The following CTNNA3 variants were observed in gnomAD, a reference collection of about 807,000 sequenced individuals.
The protein encoded by CTNNA3 is catenin alpha 3, also known as catenin alpha-3.
Under a neutral mutation model 95.7 loss-of-function variants are expected in CTNNA3, and 76 were observed. The observed-to-expected ratio is 0.79, with a 90% CI of 0.66 to 0.96. The LOEUF is 0.96. CTNNA3 is among the 40% of genes least tolerant of loss of function. The pLI is 0.00. For synonymous variants in CTNNA3, 431 were observed against 374.4 expected, an observed-to-expected ratio of 1.15 and a Z score of -1.74; for missense variants, 1,191 against 1,089.8, an observed-to-expected ratio of 1.09 and a Z score of -1.31.
chr10:66,505,120 C>T (rs753560452), intron 11 of CTNNA3, among the ~76,000 whole-genome samples: 10 of 152,060 alleles, frequency 6.6e-5, no homozygotes, highest in Non-Finnish European at 1.5e-4. Flanking sequence ...TTCTAAAGAT[C>T]TAAGTCATAA....
At chr10:66,828,890 T>C (rs532967420) in intron 7 of CTNNA3, among the ~76,000 whole-genome samples, 5 of 152,322 alleles carry the variant, frequency 3.3e-5, no homozygotes, top group African/African-American at 1.2e-4. Flanking sequence ...GCTTGCCAGA[T>C]TGCATACTAT....
intron 10 of CTNNA3, among the ~76,000 whole-genome samples, chr10:66,563,381 G>A (rs1032580274): frequency 1.3e-5 from 2 of 151,848 alleles, no homozygotes; most frequent in Non-Finnish European, 2.9e-5. Context: ...TATGAATACA[G>A]GCATACCAAA....
At chr10:66,373,459 A>G (rs1027059904) in intron 12 of CTNNA3, among the ~76,000 whole-genome samples, 5 of 152,118 alleles carry the variant, frequency 3.3e-5, no homozygotes, top group African/African-American at 1.2e-4. Flanking sequence ...TTCCACGGTC[A>G]TGAGATCTTA....
intron 17 of CTNNA3, among the ~76,000 whole-genome samples, chr10:65,929,180 C>T (rs545334955): frequency 6.6e-6 from 1 of 152,224 alleles, no homozygotes; most frequent in South Asian, 2.1e-4. Flanking sequence ...CTAGCTTCAT[C>T]CATGTCCCTG....
At chr10:65,971,091 A>G (rs750205606) in intron 16 of CTNNA3, among the ~76,000 whole-genome samples, 26 of 151,916 alleles carry the variant, frequency 1.7e-4, no homozygotes, top group Non-Finnish European at 3.4e-4. Flanking sequence ...TAAGGCAGTA[A>G]CCAAAAAATT....
chr10:66,606,459 A>G (rs1225281806), intron 10 of CTNNA3, among the ~76,000 whole-genome samples: 1 of 152,142 alleles, frequency 6.6e-6, no homozygotes, highest in South Asian at 2.1e-4. Flanking sequence ...AGCAAGAGAG[A>G]ATACATTCTT....
At chr10:66,926,676 A>C in intron 7 of CTNNA3, 2 of 1,438,512 alleles carry the variant, frequency 1.4e-6, no homozygotes, top group South Asian at 2.3e-5. Context: ...TAATTATTTT[A>C]GAGATTACCT....
At chr10:66,684,121 T>G (rs536626135) in intron 9 of CTNNA3, among the ~76,000 whole-genome samples, 1 of 152,238 alleles carries the variant, frequency 6.6e-6, no homozygotes, top group South Asian at 2.1e-4. Context: ...TTTCAATTTC[T>G]AAACCAGCAG....
At chr10:66,829,363 C>T (rs1589302185) in intron 7 of CTNNA3, among the ~76,000 whole-genome samples, 1 of 152,122 alleles carries the variant, frequency 6.6e-6, no homozygotes, top group African/African-American at 2.4e-5. Context: ...GTAATGCCAG[C>T]ACTTTGGGAG....
At chr10:66,451,440 T>G (rs2093464175) in intron 11 of CTNNA3, among the ~76,000 whole-genome samples, 1 of 152,126 alleles carries the variant, frequency 6.6e-6, no homozygotes, top group Non-Finnish European at 1.5e-5. Flanking sequence ...AGACCTGTTT[T>G]AGAAGGCAAG....
At chr10:66,755,814 C>T (rs1487925439) in intron 9 of CTNNA3, among the ~76,000 whole-genome samples, 1 of 152,162 alleles carries the variant, frequency 6.6e-6, no homozygotes, top group Non-Finnish European at 1.5e-5. Flanking sequence ...CCCAAATTCT[C>T]TTTAGTTCAT....
At chr10:67,272,773 T>A (rs147270802) in intron 5 of CTNNA3, among the ~76,000 whole-genome samples, 1 of 152,166 alleles carries the variant, frequency 6.6e-6, no homozygotes, top group Admixed American at 6.6e-5. Flanking sequence ...AATAATCTTA[T>A]AATTTTGAGG....
At chr10:66,330,999 T>G (rs2092320136) in intron 12 of CTNNA3, among the ~76,000 whole-genome samples, 1 of 152,070 alleles carries the variant, frequency 6.6e-6, no homozygotes, top group African/African-American at 2.4e-5. Flanking sequence ...GGCAAAAATT[T>G]TCTCCCATTC....
intron 9 of CTNNA3, among the ~76,000 whole-genome samples, chr10:66,747,245 G>C (rs894648168): frequency 1.3e-5 from 2 of 151,964 alleles, no homozygotes; most frequent in Non-Finnish European, 2.9e-5. Context: ...TTCATATCTT[G>C]GATAGAAAAG....
chr10:67,148,970 T>C (rs1860965472), intron 7 of CTNNA3, among the ~76,000 whole-genome samples: 1 of 152,224 alleles, frequency 6.6e-6, no homozygotes, highest in Admixed American at 6.5e-5. Flanking sequence ...ATCTTCAAAG[T>C]ATAAATTGTC....
chr10:66,745,853 C>A (rs1424019339), intron 9 of CTNNA3, among the ~76,000 whole-genome samples: 1 of 151,690 alleles, frequency 6.6e-6, no homozygotes, highest in Non-Finnish European at 1.5e-5. Flanking sequence ...CCTGCCTTGG[C>A]CTCCCAAAGT....
intron 7 of CTNNA3, among the ~76,000 whole-genome samples, chr10:66,884,088 T>C (rs1479682713): frequency 6.6e-6 from 1 of 151,414 alleles, no homozygotes; most frequent in Non-Finnish European, 1.5e-5. Flanking sequence ...GAGGGGGAGG[T>C]GCCAGGCTCT....
At chr10:65,948,955 A>C (rs960121380) in intron 17 of CTNNA3, among the ~76,000 whole-genome samples, 5 of 152,192 alleles carry the variant, frequency 3.3e-5, no homozygotes, top group African/African-American at 9.6e-5. Context: ...AAAAGTCTTT[A>C]TACTTTTGAA....
intron 5 of CTNNA3, among the ~76,000 whole-genome samples, chr10:67,326,927 T>C (rs1841561637): frequency 6.6e-6 from 1 of 152,166 alleles, no homozygotes; most frequent in Admixed American, 6.5e-5. Context: ...TTCCTTTTCA[T>C]TCTTTTTTCT....
Sources: gnomAD v4.1 joint callset for allele counts (sites outside exome capture counted in the v4.1 genomes callset) on GRCh38, gnomAD v4.1.1 for gene constraint, MANE v1.5 for transcripts, NCBI Gene and HGNC (gene_info 2026-07-23, HGNC 2026-07-21) for gene names.